Variants in CLOCK observed in about 807,000 individuals in gnomAD.
The protein encoded by CLOCK is circadian locomoter output cycles protein kaput.
CLOCK carries 43 observed loss-of-function variants against 118.4 expected under a neutral mutation model. The ratio of observed to expected loss-of-function variants is 0.36; its 90% CI spans 0.28 to 0.47. The LOEUF is 0.47. CLOCK is among the 20% of genes least tolerant of loss of function. The probability of loss-of-function intolerance (pLI) is 1.00; values close to 1 mark genes in which losing one functional copy is unlikely to be tolerated. For synonymous variants in CLOCK, 326 were observed against 339.2 expected (o/e 0.96, Z 0.43); for missense variants, 846 against 999.9 (o/e 0.85, Z 2.08).
At chr4:55,445,614 A>C in intron 18 of CLOCK, among the ~76,000 whole-genome samples, 1 of 63,338 alleles carries the variant, frequency 1.6e-5, no homozygotes, top group African/African-American at 4.9e-5. Context: ...TTTTTGAGAC[A>C]GGATCTCACT....
chr4:55,526,805 G>A (rs1230749088), intron 1 of CLOCK, among the ~76,000 whole-genome samples: 1 of 151,856 alleles, frequency 6.6e-6, no homozygotes, highest in East Asian at 1.9e-4. Flanking sequence ...AAATTAGCCG[G>A]GCAAAGTGGC....
chr4:55,446,927 C>T (rs1723901189), intron 18 of CLOCK, among the ~76,000 whole-genome samples: 1 of 152,118 alleles, frequency 6.6e-6, no homozygotes, highest in Non-Finnish European at 1.5e-5. Context: ...TACTAAATTA[C>T]ATTTCAGGGC....
chr4:55,504,283 C>CAAAAAAAAA (rs35414558), intron 2 of CLOCK, among the ~76,000 whole-genome samples: 2 of 51,942 alleles, frequency 3.9e-5, no homozygotes, highest in Non-Finnish European at 3.5e-5. Flanking sequence ...GAGACTCCAT[C>CAAAAAAAAA]AAAAAAAAAA....
At chr4:55,531,028 A>C (rs1182207308) in intron 1 of CLOCK, among the ~76,000 whole-genome samples, 1 of 152,068 alleles carries the variant, frequency 6.6e-6, no homozygotes, top group Non-Finnish European at 1.5e-5. Flanking sequence ...AGCAGGAAAA[A>C]CATCTGAGAA....
intron 8 of CLOCK, among the ~76,000 whole-genome samples, chr4:55,464,092 A>T (rs1231176256): frequency 1.3e-5 from 2 of 152,242 alleles, no homozygotes; most frequent in African/African-American, 4.8e-5. Context: ...AGAGTTAATA[A>T]GAAAAATCTC....
intron 9 of CLOCK, among the ~76,000 whole-genome samples, chr4:55,462,579 G>A (rs1276962629): frequency 6.6e-5 from 10 of 152,084 alleles, no homozygotes; most frequent in South Asian, 2.1e-4. Flanking sequence ...GGGCCTGGCT[G>A]GCTTCCACCT....
intron 2 of CLOCK, among the ~76,000 whole-genome samples, chr4:55,509,284 C>G (rs1182899783): frequency 6.6e-6 from 1 of 152,164 alleles, no homozygotes; most frequent in Non-Finnish European, 1.5e-5. Flanking sequence ...CAGTCATACA[C>G]AAAACCTAAA....
intron 1 of CLOCK, among the ~76,000 whole-genome samples, chr4:55,529,482 T>A (rs555344242): frequency 6.6e-6 from 1 of 152,022 alleles, no homozygotes; most frequent in East Asian, 1.9e-4. Flanking sequence ...AATAAATAGA[T>A]CAAACTGACT....
intron 11 of CLOCK, among the ~76,000 whole-genome samples, chr4:55,457,212 C>T (rs57826934): frequency 0.36 from 54,596 of 151,720 alleles, 10,267 homozygotes; most frequent in African/African-American, 0.46. Flanking sequence ...AATAAACTAA[C>T]TGCTTTACTC....
intron 15 of CLOCK, among the ~76,000 whole-genome samples, chr4:55,450,663 G>T (rs891822972): frequency 6.6e-6 from 1 of 152,062 alleles, no homozygotes; most frequent in Non-Finnish European, 1.5e-5. Context: ...CAGCTACTCC[G>T]GCGGCTGAGG....
At chr4:55,535,400 C>T (rs528162653) in intron 1 of CLOCK, among the ~76,000 whole-genome samples, 12 of 152,240 alleles carry the variant, frequency 7.9e-5, no homozygotes, top group South Asian at 2.1e-4. Flanking sequence ...ATTGAGTATT[C>T]TGCATACCTT....
At chr4:55,455,695 C>A (rs1724872093) in intron 13 of CLOCK, among the ~76,000 whole-genome samples, 1 of 152,140 alleles carries the variant, frequency 6.6e-6, no homozygotes, top group Non-Finnish European at 1.5e-5. Context: ...TTATAAAATT[C>A]TACTTATTAT....
intron 14 of CLOCK, chr4:55,453,443 A>C: frequency 2.1e-6 from 1 of 487,326 alleles, no homozygotes; most frequent in South Asian, 3.8e-5. Context: ...CATAAATGAC[A>C]GTAACAACTT....
intron 2 of CLOCK, among the ~76,000 whole-genome samples, chr4:55,503,978 T>TAAAAAA (rs60471915): frequency 2.8e-5 from 2 of 71,140 alleles, no homozygotes; most frequent in African/African-American, 5.1e-5. Context: ...CAAAAAGAGG[T>TAAAAAA]AAAAAAAAAA....
At chr4:55,497,032 A>T (rs1299671946) in intron 2 of CLOCK, among the ~76,000 whole-genome samples, 1 of 152,214 alleles carries the variant, frequency 6.6e-6, no homozygotes, top group Non-Finnish European at 1.5e-5. Flanking sequence ...CTCTATAAAA[A>T]TTATCACAAA....
intron 1 of CLOCK, among the ~76,000 whole-genome samples, chr4:55,518,155 T>C (rs1051960210): frequency 4.6e-5 from 7 of 152,108 alleles, no homozygotes; most frequent in African/African-American, 1.7e-4. Context: ...GAGGCAAAAA[T>C]TATAAGCTGA....
intron 2 of CLOCK, among the ~76,000 whole-genome samples, chr4:55,491,520 AG>A (rs2109951870): frequency 7.1e-6 from 1 of 141,042 alleles, no homozygotes; most frequent in Admixed American, 7.0e-5. Flanking sequence ...GAAATAAAAA[AG>A]TATTTTTTTG....
In CLOCK at chr4:55,448,888, A is replaced by T. The variant is rs1724175898; in HGVS notation, c.1450-20T>A. 1.9e-6 allele frequency: 3 copies of T among 1,558,770 alleles called. No homozygotes were observed. In the South Asian group the frequency reaches 3.3e-5, roughly 17 times the overall value. ...TATGGACTAGAGCAAAATAAAAAAT[A>T]ACACTGAAGTGATTCTCATTCCCAT... On this transcript the variant is annotated intron_variant, in intron 17 of 22. Coordinates refer to ENST00000513440, the MANE Select transcript of CLOCK (RefSeq NM_004898.4).
chr4:55,499,803 G>A (rs988756650), intron 2 of CLOCK, among the ~76,000 whole-genome samples: 23 of 152,178 alleles, frequency 1.5e-4, no homozygotes, highest in Non-Finnish European at 8.8e-5. Flanking sequence ...TGTTTCTTTC[G>A]CTCTGTTCCA....
Sources: allele counts gnomAD v4.1 joint callset (sites outside exome capture counted in the v4.1 genomes callset), GRCh38; gene constraint gnomAD v4.1.1; transcripts MANE v1.5; gene names NCBI Gene and HGNC (gene_info 2026-07-23, HGNC 2026-07-21).